Variants in ADGRV1 observed in about 807,000 individuals in gnomAD.
The protein encoded by ADGRV1 is adhesion G protein-coupled receptor V1.
A neutral mutation model predicts 596.2 loss-of-function variants in ADGRV1; 359 were observed. That is an observed-to-expected ratio of 0.60 (90% CI 0.55 to 0.66). The LOEUF (loss-of-function observed/expected upper bound fraction) is 0.66. Ranked by LOEUF, ADGRV1 falls within the 30% of genes least tolerant of loss-of-function variation. The pLI is 0.00. For synonymous variants in ADGRV1, 2,681 were observed against 2,679.2 expected (o/e 1.00, Z -0.02); for missense variants, 7,274 against 7,575.6 (o/e 0.96, Z 1.48).
rs866466975 is a variant in ADGRV1, at chr5:90,658,042, G to A, written c.4516G>A (p.Asp1506Asn). ...ACTTCATGCCATGCCCGCAAAAAGTGATTTACACCCAATTTCTGGATATCT... is the reference window on the plus strand; with the variant it reads ...ACTTCATGCCATGCCCGCAAAAAGTAATTTACACCCAATTTCTGGATATCT... ...YELHAMPAKS[D>N]LHPISGYLEF... The change falls in exon 21 of 90, where the codon GAT becomes AAT. Residue 1506 changes from aspartate to asparagine, a missense_variant. This residue lies in a region of ADGRV1 where 3,643 missense variants were observed against 3,809.2 expected (regional missense o/e 0.96). Transcript: ENST00000405460. 8 of 1,613,938 alleles carry A rather than the reference G, an allele frequency of 5.0e-6. No individual in the cohort carries two copies. The highest frequency in any genetic ancestry group is 1.6e-4 in the Middle Eastern group (1 of 6,062).
chr5:91,162,840 C>T (rs1225161845), intron 89 of ADGRV1, among the ~76,000 whole-genome samples: 2 of 152,166 alleles, frequency 1.3e-5, no homozygotes, highest in East Asian at 3.9e-4. Flanking sequence ...TTCTTCCTCT[C>T]AGACAGAAAG....
At chr5:91,010,390 GA>G (rs1782627562) in intron 85 of ADGRV1, among the ~76,000 whole-genome samples, 1 of 152,076 alleles carries the variant, frequency 6.6e-6, no homozygotes, top group Non-Finnish European at 1.5e-5. Context: ...CTTGTTCTCA[GA>G]AATCAGATGA....
chr5:90,683,127 A>T (rs572130502), intron 27 of ADGRV1, among the ~76,000 whole-genome samples: 123 of 152,358 alleles, frequency 8.1e-4, no homozygotes, highest in African/African-American at 2.9e-3. Flanking sequence ...TACACAAAAA[A>T]TAGTTATAAT....
chr5:90,798,157 A>G lies in ADGRV1; in HGVS notation c.14518-4582A>G, dbSNP rs147011246. On this transcript the variant is annotated intron_variant, in intron 70 of 89. Transcript: ENST00000405460. ...AGTAGCTGATTTTTTGAAAAGATCAATAAAATAGATTGACTGCTAGCCAGA... is the reference window on the plus strand; with the variant it reads ...AGTAGCTGATTTTTTGAAAAGATCAGTAAAATAGATTGACTGCTAGCCAGA... 4.3e-3 allele frequency among the ~76,000 whole-genome samples: 661 copies of G among 152,332 alleles called. 7 individuals carry two copies. Among genetic ancestry groups the G allele is most frequent in the African/African-American group, 0.015 (632 of 41,572 alleles).
chr5:91,027,810 A>G (rs542401909), intron 85 of ADGRV1, among the ~76,000 whole-genome samples: 7 of 152,196 alleles, frequency 4.6e-5, no homozygotes, highest in Non-Finnish European at 1.0e-4. Flanking sequence ...TGTGTTGTAC[A>G]ATAGTTAAGT....
At chr5:90,667,865 T>G (rs1178266220) in intron 21 of ADGRV1, among the ~76,000 whole-genome samples, 3 of 152,074 alleles carry the variant, frequency 2.0e-5, no homozygotes, top group East Asian at 3.9e-4. Flanking sequence ...TGGAGTACCC[T>G]GCCGTGTGAG....
At chr5:90,910,527 T>C (rs1040753024) in intron 83 of ADGRV1, among the ~76,000 whole-genome samples, 2 of 151,616 alleles carry the variant, frequency 1.3e-5, no homozygotes, top group Admixed American at 1.3e-4. Flanking sequence ...TTTTAGTGTC[T>C]ATGTTTAGTT....
chr5:90,613,484 C>G (rs531747119), intron 1 of ADGRV1, among the ~76,000 whole-genome samples: 5 of 152,180 alleles, frequency 3.3e-5, no homozygotes, highest in Admixed American at 6.6e-5. Context: ...TTTCCATGAA[C>G]ATTCCTGGGT....
At chr5:90,658,553 G>A (rs1352742644) in intron 21 of ADGRV1, among the ~76,000 whole-genome samples, 2 of 152,068 alleles carry the variant, frequency 1.3e-5, no homozygotes, top group African/African-American at 2.4e-5. Context: ...AAGAACGTAT[G>A]TGTATACTCT....
intron 3 of ADGRV1, among the ~76,000 whole-genome samples, chr5:90,618,530 C>T (rs1763653845): frequency 2.0e-5 from 3 of 152,076 alleles, no homozygotes; most frequent in Admixed American, 2.0e-4. Context: ...GTGAAAATTA[C>T]ACTTGAAACA....
intron 1 of ADGRV1, among the ~76,000 whole-genome samples, chr5:90,595,553 C>G (rs1163304650): frequency 1.5e-5 from 2 of 130,760 alleles, no homozygotes; most frequent in African/African-American, 3.1e-5. Context: ...GGCGGCTGGC[C>G]GGGCGGGGGG....
intron 69 of ADGRV1, 132 bp from the exon 70 acceptor site, chr5:90,790,741 G>A (rs1759971056): frequency 1.6e-6 from 1 of 611,994 alleles, no homozygotes; most frequent in Non-Finnish European, 2.8e-6. Context: ...TACTTAGAGA[G>A]TTTGGCTTTG....
chr5:91,155,597 T>C (rs944252870), intron 89 of ADGRV1, among the ~76,000 whole-genome samples: 1 of 152,246 alleles, frequency 6.6e-6, no homozygotes, highest in African/African-American at 2.4e-5. Context: ...AGCTCTAAAA[T>C]GTTCTAGACC....
chr5:90,730,951 T>C (rs989347147), intron 50 of ADGRV1, among the ~76,000 whole-genome samples: 1 of 152,174 alleles, frequency 6.6e-6, no homozygotes, highest in Admixed American at 6.5e-5. Flanking sequence ...TAATTTGATA[T>C]TATATGTAAG....
rs188744878 is a variant in ADGRV1 at position 91,141,252 on chromosome 5, G to T, written c.18433-8778G>T. Among the ~76,000 whole-genome samples, 735 of 152,286 alleles carry T rather than the reference G, an allele frequency of 4.8e-3. 4 individuals carry two copies. Among genetic ancestry groups the T allele is most frequent in the African/African-American group, 0.017 (702 of 41,564 alleles). On this transcript the variant is annotated intron_variant, in intron 87 of 89. Coordinates refer to ENST00000405460, the MANE Select transcript of ADGRV1 (RefSeq NM_032119.4). The stretch of plus-strand genomic sequence containing the variant: ...TTAATGATAGACATGTCTGAATCCT[G>T]CAGACTTCTTTTATTATCTCTACTA...
intron 84 of ADGRV1, among the ~76,000 whole-genome samples, 191 bp downstream of exon 84, chr5:90,965,722 G>A (rs1039746912): frequency 2.6e-5 from 4 of 152,176 alleles, no homozygotes; most frequent in African/African-American, 9.7e-5. Context: ...TGAGTTTGAA[G>A]AAATGATGGA....
chr5:90,994,371 G>T (rs2151083971), intron 85 of ADGRV1, among the ~76,000 whole-genome samples: 1 of 152,088 alleles, frequency 6.6e-6, no homozygotes, highest in South Asian at 2.1e-4. Context: ...CCTAGTTATT[G>T]TACTTTTCAA....
intron 1 of ADGRV1, among the ~76,000 whole-genome samples, chr5:90,562,710 A>G (rs1755016428): frequency 6.6e-6 from 1 of 152,124 alleles, no homozygotes; most frequent in Non-Finnish European, 1.5e-5. Context: ...CCTCTTTTAT[A>G]TTAAAGGGAA....
intron 59 of ADGRV1, among the ~76,000 whole-genome samples, chr5:90,766,555 A>C (rs1472549961): frequency 6.6e-6 from 1 of 152,198 alleles, no homozygotes; most frequent in Non-Finnish European, 1.5e-5. Context: ...TATTTCAGCC[A>C]ATCAAAAAAC....
Sources: gnomAD v4.1 joint callset for allele counts (sites outside exome capture counted in the v4.1 genomes callset) on GRCh38, gnomAD v4.1.1 for gene constraint, gnomAD v4.1.1 regional missense constraint, MANE v1.5 for transcripts, NCBI Gene and HGNC (gene_info 2026-07-23, HGNC 2026-07-21) for gene names.